UBASH3B: variants seen among roughly 807,000 people sequenced by gnomAD.
UBASH3B encodes the protein ubiquitin associated and SH3 domain containing B, also known as ubiquitin-associated and SH3 domain-containing protein B.
Under a neutral mutation model 83.4 loss-of-function variants are expected in UBASH3B, and 37 were observed. That is an observed-to-expected ratio of 0.44 (90% confidence interval 0.34 to 0.58). UBASH3B has a LOEUF of 0.58. Among genes scored for constraint, UBASH3B ranks in the 20% least tolerant of loss-of-function variants. UBASH3B has a pLI of 0.01. For missense variants in UBASH3B, 657 were observed against 827.2 expected (o/e 0.79, Z 2.52); for synonymous variants, 304 against 318.3 (o/e 0.96, Z 0.48).
intron 1 of UBASH3B, among the ~76,000 whole-genome samples, 163 bp downstream of exon 1, chr11:122,656,373 G>C (rs1863363565): frequency 6.6e-6 from 1 of 152,110 alleles, no homozygotes. Flanking sequence ...CCCGGGACTC[G>C]GCTCCGGGCG....
chr11:122,787,662 G>T lies in UBASH3B; in HGVS notation c.772-1438G>T, dbSNP rs77441558. Reference sequence around the variant, plus strand: ...GGTCGGCTGGAAGGAAGGATGTGACGTGGGAGATCAGGTGCTCTGGTTCTG... The same window carrying T: ...GGTCGGCTGGAAGGAAGGATGTGACTTGGGAGATCAGGTGCTCTGGTTCTG... On this transcript the variant is annotated intron_variant, in intron 5 of 13. Coordinates refer to ENST00000284273, the MANE Select transcript of UBASH3B (RefSeq NM_032873.5). Among the ~76,000 whole-genome samples the T allele has an allele frequency of 0.011, 1,613 of 152,300 alleles. 88 individuals are homozygous for T. The East Asian group carries it at 0.17, about 16-fold the overall frequency.
intron 1 of UBASH3B, among the ~76,000 whole-genome samples, chr11:122,677,589 A>G (rs1863684647): frequency 6.6e-6 from 1 of 152,136 alleles, no homozygotes; most frequent in South Asian, 2.1e-4. Context: ...TTAGTCTTTT[A>G]TCTTTCCCTA....
intron 1 of UBASH3B, among the ~76,000 whole-genome samples, chr11:122,698,748 T>G (rs564303165): frequency 1.1e-3 from 163 of 152,242 alleles, no homozygotes; most frequent in African/African-American, 3.8e-3. Flanking sequence ...GCACTCCCCA[T>G]GCCTCTGGAA....
At chr11:122,802,126 C>T (rs1423430788) in intron 11 of UBASH3B, among the ~76,000 whole-genome samples, 1 of 151,984 alleles carries the variant, frequency 6.6e-6, no homozygotes, top group Non-Finnish European at 1.5e-5. Flanking sequence ...ACCAGCCTGT[C>T]CAACATGGTG....
intron 1 of UBASH3B, among the ~76,000 whole-genome samples, chr11:122,660,213 G>A (rs760936000): frequency 2.6e-4 from 40 of 152,092 alleles, no homozygotes; most frequent in Non-Finnish European, 5.0e-4. Flanking sequence ...GTCCAACTTA[G>A]ACACTGCTAT....
chr11:122,740,382 G>A (rs959268777), intron 1 of UBASH3B, among the ~76,000 whole-genome samples: 3 of 152,192 alleles, frequency 2.0e-5, no homozygotes, highest in African/African-American at 7.2e-5. Context: ...TGATGAAAGA[G>A]CATGTACTTG....
intron 6 of UBASH3B, among the ~76,000 whole-genome samples, chr11:122,790,715 G>T (rs1861038535): frequency 1.3e-5 from 2 of 152,030 alleles, no homozygotes; most frequent in East Asian, 1.9e-4. Flanking sequence ...GGGAGGCCAG[G>T]GTGGGTGGAT....
At chr11:122,774,487 T>C (rs1348668106) in intron 1 of UBASH3B, among the ~76,000 whole-genome samples, 1 of 152,224 alleles carries the variant, frequency 6.6e-6, no homozygotes, top group Non-Finnish European at 1.5e-5. Flanking sequence ...TTTTTCTTTG[T>C]GTCAAATGAA....
intron 1 of UBASH3B, among the ~76,000 whole-genome samples, chr11:122,662,622 G>C (rs1011283571): frequency 2.7e-5 from 4 of 150,272 alleles, no homozygotes; most frequent in African/African-American, 9.8e-5. Context: ...GTTGAGACAG[G>C]GTTTCTCCAT....
chr11:122,728,068 G>T (rs1281790345), intron 1 of UBASH3B, among the ~76,000 whole-genome samples: 1 of 152,054 alleles, frequency 6.6e-6, no homozygotes, highest in Non-Finnish European at 1.5e-5. Flanking sequence ...AAACTACGGG[G>T]CTCAAGCAGT....
chr11:122,664,192 C>A (rs2135893009), intron 1 of UBASH3B, among the ~76,000 whole-genome samples: 1 of 152,200 alleles, frequency 6.6e-6, no homozygotes, highest in Non-Finnish European at 1.5e-5. Context: ...GGGTGCGGGG[C>A]CTGAGAAAAA....
In UBASH3B at chr11:122,655,999, C is replaced by T; in HGVS notation, c.-51C>T. 2.1e-6 allele frequency: 3 copies of T among 1,461,248 alleles called. No homozygotes were observed. The highest frequency in any genetic ancestry group is 2.7e-6 in the Non-Finnish European group (3 of 1,098,190). The allele number at this position is 1,461,248 out of a possible 1,614,324, so 90.5% of individuals were successfully genotyped here. A position where few individuals can be genotyped will look rare whatever the true frequency, so the allele number is the denominator to read the frequency against. On this transcript the variant is annotated 5_prime_UTR_variant, in exon 1 of 14. Coordinates refer to ENST00000284273, the MANE Select transcript of UBASH3B (RefSeq NM_032873.5). ...GCCCAGCCCGACTCCCTCCTCCTTC[C>T]CGAACCATCCGGCTCGGGCTCCTTC...
At chr11:122,713,901 G>A (rs1026650044) in intron 1 of UBASH3B, among the ~76,000 whole-genome samples, 1 of 152,150 alleles carries the variant, frequency 6.6e-6, no homozygotes, top group Non-Finnish European at 1.5e-5. Flanking sequence ...CCTTCCATCA[G>A]ATGTTTATAT....
chr11:122,721,009 G>T (rs1387839942), intron 1 of UBASH3B, among the ~76,000 whole-genome samples: 1 of 152,026 alleles, frequency 6.6e-6, no homozygotes, highest in Non-Finnish European at 1.5e-5. Flanking sequence ...ACTTTGGGAG[G>T]CCGAGGTGGG....
intron 1 of UBASH3B, among the ~76,000 whole-genome samples, chr11:122,684,786 C>T (rs540693000): frequency 8.5e-5 from 13 of 152,214 alleles, no homozygotes; most frequent in Non-Finnish European, 1.3e-4. Flanking sequence ...TTAGTAGAGA[C>T]GGGATTTCTC....
chr11:122,757,709 CTTTTTTTTT>C (rs781180822), intron 1 of UBASH3B, among the ~76,000 whole-genome samples: 4 of 92,116 alleles, frequency 4.3e-5, no homozygotes, highest in South Asian at 4.1e-4. Flanking sequence ...CTTCTTTTCC[CTTTTTTTTT>C]TTTTTTTTTT....
intron 1 of UBASH3B, among the ~76,000 whole-genome samples, chr11:122,774,869 A>G (rs1302925958): frequency 6.6e-6 from 1 of 151,960 alleles, no homozygotes; most frequent in African/African-American, 2.4e-5. Context: ...CGCCCCATCC[A>G]CCCCACCCAG....
intron 11 of UBASH3B, among the ~76,000 whole-genome samples, chr11:122,804,277 A>G (rs147306311): frequency 5.1e-4 from 78 of 152,238 alleles, no homozygotes; most frequent in African/African-American, 1.8e-3. Flanking sequence ...TACAGCCCCA[A>G]CAAGTGGTGA....
rs1861480586 is a variant in UBASH3B at position 122,813,244 on chromosome 11, C to G, written c.*3358C>G. On this transcript the variant is annotated 3_prime_UTR_variant, in exon 14 of 14. Transcript: ENST00000284273. ...CATTACCATAAGTGTGTCTTTTCCACTCAACTAGCTGTATTCGTATTAAAA... is the reference window on the plus strand; with the variant it reads ...CATTACCATAAGTGTGTCTTTTCCAGTCAACTAGCTGTATTCGTATTAAAA... The G allele has an allele frequency of 6.6e-6, 1 of 152,180 alleles. No homozygotes were observed. Among genetic ancestry groups the G allele is most frequent in the Non-Finnish European group, 1.5e-5 (1 of 68,046 alleles). The allele number at this position is 152,180 out of a possible 1,614,324, so 9.4% of individuals were successfully genotyped here.
Sources: allele counts gnomAD v4.1 joint callset (sites outside exome capture counted in the v4.1 genomes callset), GRCh38; gene constraint gnomAD v4.1.1; transcripts MANE v1.5; gene names NCBI Gene and HGNC (gene_info 2026-07-23, HGNC 2026-07-21).